Variants in RNF212B observed in about 807,000 individuals in gnomAD.
RNF212B encodes the protein E3 ubiquitin-protein ligase RNF212B.
RNF212B carries 52 observed loss-of-function variants against 55.5 expected under a neutral mutation model. That is an observed-to-expected ratio of 0.94 (90% CI 0.75 to 1.18). RNF212B has a LOEUF of 1.18. Among genes scored for constraint, RNF212B ranks in the 50% most tolerant of loss-of-function variants. The pLI is 0.00. For synonymous variants in RNF212B, 99 were observed against 121.4 expected (o/e 0.82, Z 1.21); for missense variants, 289 against 350.4 (o/e 0.82, Z 1.40).
rs567087077 is a variant in RNF212B, at chr14:23,189,582, C to A, written c.-78-3743C>A. On this transcript the variant is annotated intron_variant, in intron 1 of 15. Transcript: ENST00000399910. The stretch of plus-strand genomic sequence containing the variant: ...CTTTGGGAGGCCAAGGCGGGAGGAT[C>A]GCTTGAGTCCAGGAATTTGAGACCA... Among the ~76,000 whole-genome samples, 13 of 152,046 alleles carry A rather than the reference C, an allele frequency of 8.6e-5. No individual in the cohort carries two copies. In the South Asian group the frequency reaches 2.1e-3, roughly 24 times the overall value.
intron 3 of RNF212B, among the ~76,000 whole-genome samples, chr14:23,243,647 G>A (rs1883764510): frequency 7.1e-6 from 1 of 141,638 alleles, no homozygotes; most frequent in Non-Finnish European, 1.5e-5. Flanking sequence ...AGTGAGCTGA[G>A]CTCGCGCCAC....
intron 2 of RNF212B, among the ~76,000 whole-genome samples, chr14:23,214,920 A>G (rs945271655): frequency 1.3e-5 from 2 of 152,238 alleles, no homozygotes; most frequent in Admixed American, 1.3e-4. Flanking sequence ...ATGCCAAGAC[A>G]TATCATAATT....
intron 14 of RNF212B, among the ~76,000 whole-genome samples, chr14:23,272,091 G>GC (rs1886131975): frequency 6.6e-6 from 1 of 152,114 alleles, no homozygotes; most frequent in South Asian, 2.1e-4. Flanking sequence ...TGGACAATGG[G>GC]CACATGAGTT....
At chr14:23,191,523 G>C (rs1878123818) in intron 1 of RNF212B, among the ~76,000 whole-genome samples, 1 of 151,694 alleles carries the variant, frequency 6.6e-6, no homozygotes, top group Non-Finnish European at 1.5e-5. Flanking sequence ...GTTTTTCTAG[G>C]GGGTAATGAT....
intron 4 of RNF212B, among the ~76,000 whole-genome samples, chr14:23,251,849 T>C (rs72684370): frequency 0.16 from 24,331 of 149,160 alleles, 2,353 homozygotes; most frequent in South Asian, 0.24. Flanking sequence ...CCATATATCA[T>C]GGAAATAGCC....
intron 2 of RNF212B, among the ~76,000 whole-genome samples, chr14:23,229,364 G>A (rs930918034): frequency 8.6e-5 from 13 of 150,386 alleles, no homozygotes; most frequent in Non-Finnish European, 1.5e-4. Flanking sequence ...ACACATATCT[G>A]TTTGAGCCCC....
At chr14:23,239,380 AG>A (rs1352806405) in intron 1 of RNF212B, among the ~76,000 whole-genome samples, 5 of 152,008 alleles carry the variant, frequency 3.3e-5, no homozygotes, top group African/African-American at 1.2e-4. Context: ...TTTCTGCAGA[AG>A]AAAAGTATAT....
At chr14:23,189,444 T>C (rs990618757) in intron 1 of RNF212B, among the ~76,000 whole-genome samples, 2 of 152,134 alleles carry the variant, frequency 1.3e-5, no homozygotes. Flanking sequence ...TCCTACATCA[T>C]CAGTTTTTCA....
At chr14:23,252,995 G>A (rs886448548) in intron 4 of RNF212B, among the ~76,000 whole-genome samples, 6 of 152,050 alleles carry the variant, frequency 3.9e-5, no homozygotes, top group Middle Eastern at 3.4e-3. Flanking sequence ...CTATGAGGAC[G>A]GTTTATTTTC....
upstream of RNF212B, among the ~76,000 whole-genome samples, chr14:23,233,143 C>A (rs1882837712): frequency 1.3e-5 from 2 of 152,170 alleles, no homozygotes; most frequent in Admixed American, 6.5e-5. Context: ...GTGCTGTGTC[C>A]ACTCGGGGTT....
At chr14:23,194,258 A>G (rs1878417252) in intron 2 of RNF212B, among the ~76,000 whole-genome samples, 1 of 152,224 alleles carries the variant, frequency 6.6e-6, no homozygotes, top group Admixed American at 6.5e-5. Context: ...GGCAAAAAGC[A>G]TCAATATATA....
chr14:23,256,344 G>C (rs1046199159), intron 4 of RNF212B, among the ~76,000 whole-genome samples: 4 of 151,464 alleles, frequency 2.6e-5, no homozygotes, highest in African/African-American at 9.7e-5. Flanking sequence ...CCAGGATTCA[G>C]AGTGACTTTT....
intron 2 of RNF212B, among the ~76,000 whole-genome samples, chr14:23,199,704 G>A (rs1384497078): frequency 5.3e-5 from 8 of 152,122 alleles, no homozygotes; most frequent in Admixed American, 5.2e-4. Flanking sequence ...AAATAGTGGG[G>A]AGGAAGGGAG....
In RNF212B at chr14:23,208,757, GTTTT is replaced by G. The variant is rs1166613606; in HGVS notation, c.-2+15372_-2+15375del. Among the ~76,000 whole-genome samples the G allele has an allele frequency of 1.9e-4, 19 of 98,110 alleles. No individual in the cohort carries two copies. In the Admixed American group the frequency reaches 2.6e-3, roughly 13 times the overall value. 64.4% of individuals were successfully genotyped at this position (98,110 alleles called of 152,430 possible). On this transcript the variant is annotated intron_variant, in intron 2 of 15. Coordinates refer to the RNF212B transcript ENST00000399910. ...GCAGTCCCAAGGGCTGCTGGTTGCCGTTTTTTTTTTTTTTTTTTTGAGACGGAGT... is the reference window on the plus strand; with the variant it reads ...GCAGTCCCAAGGGCTGCTGGTTGCCGTTTTTTTTTTTTTTTGAGACGGAGT...
At chr14:23,246,679 T>C (rs1204127244) in intron 4 of RNF212B, among the ~76,000 whole-genome samples, 1 of 152,168 alleles carries the variant, frequency 6.6e-6, no homozygotes, top group Non-Finnish European at 1.5e-5. Flanking sequence ...CCTCCCACCT[T>C]GCCCTACCAA....
chr14:23,241,935 A>T (rs761931952), intron 2 of RNF212B, among the ~76,000 whole-genome samples: 84 of 151,510 alleles, frequency 5.5e-4, no homozygotes, highest in Middle Eastern at 3.2e-3. Context: ...ACAAAAAATT[A>T]GCCGGGCATG....
intron 1 of RNF212B, among the ~76,000 whole-genome samples, chr14:23,238,780 A>AATAATAATAATCATCATCATC (rs1343117592): frequency 3.4e-5 from 5 of 145,652 alleles, no homozygotes; most frequent in South Asian, 2.2e-4. Context: ...TAATAATAAT[A>AATAATAATAATCATCATCATC]ATCCCACAAA....
intron 2 of RNF212B, among the ~76,000 whole-genome samples, chr14:23,226,442 A>G (rs1290826108): frequency 2.0e-5 from 3 of 151,784 alleles, no homozygotes; most frequent in Non-Finnish European, 4.4e-5. Flanking sequence ...CATCCTGGCT[A>G]ACACGGTGGA....
At chr14:23,256,348 G>C (rs1884834149) in intron 4 of RNF212B, among the ~76,000 whole-genome samples, 1 of 150,934 alleles carries the variant, frequency 6.6e-6, no homozygotes, top group Admixed American at 6.6e-5. Context: ...GATTCAGAGT[G>C]ACTTTTATTC....
Sources: allele counts gnomAD v4.1 joint callset (sites outside exome capture counted in the v4.1 genomes callset), GRCh38; gene constraint gnomAD v4.1.1; transcripts MANE v1.5; gene names NCBI Gene and HGNC (gene_info 2026-07-23, HGNC 2026-07-21).